The following PPHLN1 variants were observed in gnomAD, a reference collection of about 807,000 sequenced individuals.
The protein encoded by PPHLN1 is periphilin-1.
PPHLN1 carries 29 observed loss-of-function variants against 51.3 expected under a neutral mutation model. The ratio of observed to expected loss-of-function variants is 0.57; its 90% CI spans 0.42 to 0.77. PPHLN1 has a LOEUF of 0.77. PPHLN1 is among the 30% of genes least tolerant of loss of function. The pLI is 0.00. For missense variants in PPHLN1, 436 were observed against 438.4 expected (o/e 0.99, Z 0.05); for synonymous variants, 147 against 147.8 (o/e 0.99, Z 0.04).
At chr12:42,435,422 T>A (rs1222274417) in intron 9 of PPHLN1, among the ~76,000 whole-genome samples, 1 of 152,218 alleles carries the variant, frequency 6.6e-6, no homozygotes, top group Admixed American at 6.5e-5. Context: ...TTAAGAGGCA[T>A]TGGGGCTGCA....
chr12:42,336,772 A>C (rs1202880435), intron 2 of PPHLN1, among the ~76,000 whole-genome samples: 1 of 152,242 alleles, frequency 6.6e-6, no homozygotes, highest in Non-Finnish European at 1.5e-5. Flanking sequence ...AAACTTTTGC[A>C]CAGACCCATT....
chr12:42,432,221 A>C, intron 9 of PPHLN1: 1 of 793,340 alleles, frequency 1.3e-6, no homozygotes, highest in South Asian at 1.3e-5. Context: ...GGGGTTAGAC[A>C]GCTTAGAATT....
intron 9 of PPHLN1, among the ~76,000 whole-genome samples, chr12:42,440,744 A>G (rs187997930): frequency 6.6e-6 from 1 of 152,248 alleles, no homozygotes; most frequent in Non-Finnish European, 1.5e-5. Flanking sequence ...CGCCCAGCCA[A>G]TTTTTTGTAT....
chr12:42,355,202 A>T lies in PPHLN1; in HGVS notation c.279A>T (p.Ala93=). 4 of 1,613,756 alleles carry T rather than the reference A, an allele frequency of 2.5e-6. No individual in the cohort carries two copies. The highest frequency in any genetic ancestry group is 3.4e-6 in the Non-Finnish European group (4 of 1,179,780). ...GYRWTRDDHS[A]SRQPEYRDMR... ...GATGGACAAGAGACGATCATTCTGC[A>T]AGCAGGCAACCTGAATACAGGTAAA... is the stretch of plus-strand genomic sequence containing the variant. The change falls in exon 4 of 10, where the codon GCA becomes GCT. Residue 93 remains alanine (A), a synonymous_variant. Coordinates refer to ENST00000358314, the MANE Select transcript of PPHLN1 (RefSeq NM_201439.2).
intron 9 of PPHLN1, among the ~76,000 whole-genome samples, chr12:42,409,108 T>C (rs1390431629): frequency 6.6e-6 from 1 of 152,152 alleles, no homozygotes; most frequent in African/African-American, 2.4e-5. Context: ...TCTCAAAATA[T>C]CTTATTGTAC....
intron 4 of PPHLN1, among the ~76,000 whole-genome samples, chr12:42,371,564 T>C (rs926234497): frequency 6.6e-6 from 1 of 152,230 alleles, no homozygotes; most frequent in South Asian, 2.1e-4. Context: ...CTTGTTCACA[T>C]AGTACTTTAA....
intron 9 of PPHLN1, among the ~76,000 whole-genome samples, chr12:42,420,344 A>G (rs1415496032): frequency 6.6e-6 from 1 of 152,094 alleles, no homozygotes; most frequent in Admixed American, 6.5e-5. Flanking sequence ...GAAAAAGACA[A>G]TATAAATAGG....
rs1178429324 is a variant in PPHLN1, at chr12:42,432,380, T to C, written c.910-8935T>C. ...TTCCTTTAGATAAGCAATATGGTACTCTAAAAGAACTTGCACATTTCCAAT... is the reference window on the plus strand; with the variant it reads ...TTCCTTTAGATAAGCAATATGGTACCCTAAAAGAACTTGCACATTTCCAAT... On this transcript the variant is annotated intron_variant, in intron 9 of 9. Transcript: ENST00000358314. 8.0e-6 allele frequency: 6 copies of C among 750,204 alleles called. No individual in the cohort carries two copies. In the African/African-American group the frequency reaches 8.6e-5, roughly 11 times the overall value. The allele number at this position is 750,204 out of a possible 1,614,324, so 46.5% of individuals were successfully genotyped here.
chr12:42,436,187 C>G (rs1466813406), intron 9 of PPHLN1, among the ~76,000 whole-genome samples: 1 of 152,226 alleles, frequency 6.6e-6, no homozygotes, highest in African/African-American at 2.4e-5. Context: ...TCTTTGGCAT[C>G]TGTGCCTTCA....
intron 5 of PPHLN1, among the ~76,000 whole-genome samples, chr12:42,380,670 A>T (rs2076682855): frequency 6.6e-6 from 1 of 152,182 alleles, no homozygotes; most frequent in Admixed American, 6.5e-5. Flanking sequence ...ATGTAGCCGA[A>T]ATTCTGATAA....
At chr12:42,344,503 A>G (rs183487070) in intron 2 of PPHLN1, among the ~76,000 whole-genome samples, 5 of 152,262 alleles carry the variant, frequency 3.3e-5, no homozygotes, top group East Asian at 1.9e-4. Context: ...AAGTATTTCA[A>G]TATGTGTTGC....
intron 1 of PPHLN1, among the ~76,000 whole-genome samples, chr12:42,335,317 A>G (rs868424863): frequency 6.6e-6 from 1 of 152,194 alleles, no homozygotes; most frequent in Middle Eastern, 3.4e-3. Context: ...TATAGCGTTA[A>G]AAAAATCAGG....
intron 4 of PPHLN1, among the ~76,000 whole-genome samples, chr12:42,371,174 G>A (rs2075771709): frequency 7.4e-6 from 1 of 134,448 alleles, no homozygotes; most frequent in South Asian, 2.5e-4. Context: ...ACACTGGAGT[G>A]CAGTGGCACG....
chr12:42,445,059 G>A (rs1224712753), downstream of PPHLN1: 2 of 702,310 alleles, frequency 2.8e-6, no homozygotes, highest in Admixed American at 4.0e-5. Context: ...CCTTGAAACA[G>A]CCCTCATTAA....
At chr12:42,447,740 C>G (rs2083372633), downstream of PPHLN1, 1 of 152,058 alleles carries the variant, frequency 6.6e-6, no homozygotes, top group Non-Finnish European at 1.5e-5. Flanking sequence ...CCCTAGAGTA[C>G]ATAAAAATTA....
At chr12:42,413,526 ATGTGTGTGTGTGTGTGTGTGTGTG>A (rs71084648) in intron 9 of PPHLN1, among the ~76,000 whole-genome samples, 9 of 136,518 alleles carry the variant, frequency 6.6e-5, no homozygotes, top group East Asian at 6.3e-4. Context: ...ATATATGTAT[ATGTGTGTGTGTGTGTGTGTGTGTG>A]TGTGTGTGTG....
Position 42,405,854 on chromosome 12 carries a change from C to CT in PPHLN1, c.909+6869dup, listed in dbSNP as rs754048548. On this transcript the variant is annotated intron_variant, in intron 9 of 9. Coordinates refer to ENST00000358314, the MANE Select transcript of PPHLN1 (RefSeq NM_201439.2). Reference sequence around the variant, plus strand: ...CTGCTATGTTTGTTATTATGTTTTGCTTTTTTTTTAAAATCACTTTTAGTG... The same window carrying CT: ...CTGCTATGTTTGTTATTATGTTTTGCTTTTTTTTTTAAAATCACTTTTAGTG... Among the ~76,000 whole-genome samples, 35 of 150,954 alleles carry CT rather than the reference C, an allele frequency of 2.3e-4. 1 individual carries two copies. Among genetic ancestry groups the CT allele is most frequent in the Non-Finnish European group, 3.1e-4 (21 of 67,668 alleles).
chr12:42,428,869 G>T (rs11181501), intron 9 of PPHLN1, among the ~76,000 whole-genome samples: 2 of 142,834 alleles, frequency 1.4e-5, no homozygotes, highest in African/African-American at 2.7e-5. Context: ...GACAGATATC[G>T]TTTAGGGAGC....
chr12:42,433,261 A>T, intron 9 of PPHLN1: 1 of 692,458 alleles, frequency 1.4e-6, no homozygotes, highest in Non-Finnish European at 2.7e-6. Flanking sequence ...TCACTAATTT[A>T]TTTTTTTATA....
Sources: gnomAD v4.1 joint callset for allele counts (sites outside exome capture counted in the v4.1 genomes callset) on GRCh38, gnomAD v4.1.1 for gene constraint, MANE v1.5 for transcripts, NCBI Gene and HGNC (gene_info 2026-07-23, HGNC 2026-07-21) for gene names.